The following DSCAML1 variants were observed in gnomAD, a reference collection of about 807,000 sequenced individuals.
The protein encoded by DSCAML1 is cell adhesion molecule DSCAML1.
A neutral mutation model predicts 200.5 loss-of-function variants in DSCAML1; 38 were observed. The observed-to-expected ratio is 0.19, with a 90% CI of 0.15 to 0.25. The LOEUF (loss-of-function observed/expected upper bound fraction) is 0.25. Ranked by LOEUF, DSCAML1 falls within the 10% of genes least tolerant of loss-of-function variation. The pLI, the probability that DSCAML1 is intolerant of heterozygous loss-of-function variation, is 1.00. For missense variants in DSCAML1, 2,223 were observed against 2,858.8 expected, an observed-to-expected ratio of 0.78 and a Z score of 5.07; for synonymous variants, 1,215 against 1,165.0, an observed-to-expected ratio of 1.04 and a Z score of -0.87.
chr11:117,530,097 G>A (rs1355060379), intron 4 of DSCAML1, among the ~76,000 whole-genome samples: 1 of 151,938 alleles, frequency 6.6e-6, no homozygotes, highest in African/African-American at 2.4e-5. Context: ...CTTGTCTGTC[G>A]GTACCGTCCC....
chr11:117,442,071 C>T lies in DSCAML1; in HGVS notation c.3862+1815G>A, dbSNP rs111580076. ...GTTAGTGTATGTGTGTGCGCAGATG[C>T]GTGTTTGTGCACATGCATGTGAGTG... On this transcript the variant is annotated intron_variant, in intron 21 of 32. Coordinates refer to ENST00000651296, the MANE Select transcript of DSCAML1 (RefSeq NM_020693.4). Among the ~76,000 whole-genome samples the T allele has an allele frequency of 3.9e-3, 586 of 150,070 alleles. 7 individuals carry two copies. The highest frequency in any genetic ancestry group is 0.014 in the African/African-American group (566 of 40,842).
chr11:117,584,763 A>C (rs2051110357), intron 3 of DSCAML1, among the ~76,000 whole-genome samples: 3 of 152,164 alleles, frequency 2.0e-5, no homozygotes, highest in African/African-American at 7.2e-5. Context: ...CTACATTTGA[A>C]CAGAGAGGAT....
intron 3 of DSCAML1, among the ~76,000 whole-genome samples, chr11:117,729,775 T>A (rs1280278944): frequency 6.6e-6 from 1 of 152,204 alleles, no homozygotes; most frequent in East Asian, 1.9e-4. Context: ...ATGCCCAGCA[T>A]CCTAATCCCC....
At chr11:117,816,406 G>A (rs1031855154) in intron 1 of DSCAML1, among the ~76,000 whole-genome samples, 3 of 152,224 alleles carry the variant, frequency 2.0e-5, no homozygotes, top group African/African-American at 4.8e-5. Flanking sequence ...TCTGATCTCC[G>A]CTGGCCAGGC....
At chr11:117,627,898 G>A (rs2052088799) in intron 3 of DSCAML1, among the ~76,000 whole-genome samples, 1 of 151,840 alleles carries the variant, frequency 6.6e-6, no homozygotes, top group African/African-American at 2.4e-5. Context: ...CAGATCCCTG[G>A]AGCTCTAATC....
intron 3 of DSCAML1, among the ~76,000 whole-genome samples, chr11:117,622,942 T>C (rs1258378690): frequency 6.6e-6 from 1 of 152,194 alleles, no homozygotes; most frequent in African/African-American, 2.4e-5. Context: ...CACATATAAA[T>C]GCTCTTCTAC....
In DSCAML1 at chr11:117,428,781, C is replaced by T. The variant is rs751771367; in HGVS notation, c.5709G>A (p.Leu1903=). Reference sequence around the variant, plus strand: ...GAAAGAAGGCCTCTGACTTGGCATACAGGGGCAGGTTGCAGTAGTCACCTG... The same window carrying T: ...GAAAGAAGGCCTCTGACTTGGCATATAGGGGCAGGTTGCAGTAGTCACCTG... ...ANKSDYCNLP[L]YAKSEAFFRK... Residue 1903 remains leucine (L), a synonymous_variant, in exon 33 of 33, where the codon CTG becomes CTA. Transcript: ENST00000651296. 1.8e-5 allele frequency: 29 copies of T among 1,606,906 alleles called. No homozygotes were observed. Among genetic ancestry groups the T allele is most frequent in the South Asian group, 8.9e-5 (8 of 89,470 alleles).
At chr11:117,482,822 T>G (rs1052392957) in intron 11 of DSCAML1, among the ~76,000 whole-genome samples, 2 of 152,188 alleles carry the variant, frequency 1.3e-5, no homozygotes, top group African/African-American at 4.8e-5. Context: ...CTGAATCAGA[T>G]CTATAGAGCT....
At chr11:117,557,701 C>T (rs1235991098) in intron 3 of DSCAML1, among the ~76,000 whole-genome samples, 1 of 152,148 alleles carries the variant, frequency 6.6e-6, no homozygotes, top group Non-Finnish European at 1.5e-5. Flanking sequence ...TAAAGTGCCA[C>T]TTGGCTGTGG....
chr11:117,481,828 A>C (rs1318326537), intron 12 of DSCAML1, 135 bp downstream of exon 12: 36 of 885,146 alleles, frequency 4.1e-5, no homozygotes, highest in Non-Finnish European at 5.9e-5. Context: ...TAGGTGGGAA[A>C]GGGGAGGTAC....
chr11:117,450,251 C>T (rs1003660661), intron 20 of DSCAML1, among the ~76,000 whole-genome samples: 3 of 152,210 alleles, frequency 2.0e-5, no homozygotes, highest in Non-Finnish European at 4.4e-5. Flanking sequence ...TGAGCCAGAG[C>T]AGAAGAGCCG....
chr11:117,495,776 T>G (rs2049278574), intron 11 of DSCAML1, among the ~76,000 whole-genome samples: 1 of 152,182 alleles, frequency 6.6e-6, no homozygotes, highest in Admixed American at 6.5e-5. Context: ...CCTGGAGCCC[T>G]AGATTCTCCC....
chr11:117,683,505 A>G lies in DSCAML1; in HGVS notation c.511+93286T>C, dbSNP rs140444762. Among the ~76,000 whole-genome samples, 238 of 152,336 alleles carry G rather than the reference A, an allele frequency of 1.6e-3. 1 individual carries two copies. Among genetic ancestry groups the G allele is most frequent in the African/African-American group, 2.2e-3 (92 of 41,574 alleles). On this transcript the variant is annotated intron_variant, in intron 3 of 32. Coordinates refer to ENST00000651296, the MANE Select transcript of DSCAML1 (RefSeq NM_020693.4). ...GCAAAGCTCAACGACATGCAGCTCC[A>G]TATTCGAGTCTCCTTATAACCCTGT... is the stretch of plus-strand genomic sequence containing the variant.
In DSCAML1 at chr11:117,524,884, G is replaced by A. The variant is rs1565764922; in HGVS notation, c.858C>T (p.Thr286=). Residue 286 remains threonine, a synonymous_variant, in exon 5 of 33, where the codon ACC becomes ACT. Transcript: ENST00000651296. Reference sequence around the variant, plus strand: ...CACAAATGTAGGTGCCGCTGTCCTCGGTCCGCAAGTCGCTGATGGTCAGCC... The same window carrying A: ...CACAAATGTAGGTGCCGCTGTCCTCAGTCCGCAAGTCGCTGATGGTCAGCC... The part of the protein sequence containing the change: ...ITGLTISDLR[T]EDSGTYICEV... The A allele has an allele frequency of 1.2e-6, 2 of 1,611,336 alleles. No individual in the cohort carries two copies. The highest frequency in any genetic ancestry group is 1.3e-5 in the African/African-American group (1 of 74,910).
rs145243839 is a variant in DSCAML1 at position 117,654,810 on chromosome 11, G to A, written c.511+121981C>T. ...TCCCCATCGAGAACCATTTATCTGC[G>A]GCGTGGAGGGCACTGAGCGGGTGGA... On this transcript the variant is annotated intron_variant, in intron 3 of 32. Transcript: ENST00000651296. Among the ~76,000 whole-genome samples, 32 of 152,266 alleles carry A rather than the reference G, an allele frequency of 2.1e-4. 1 individual carries two copies. The highest frequency in any genetic ancestry group is 4.8e-5 in the African/African-American group (2 of 41,542).
intron 14 of DSCAML1, among the ~76,000 whole-genome samples, chr11:117,478,533 T>C (rs922570409): frequency 6.6e-6 from 1 of 152,164 alleles, no homozygotes; most frequent in African/African-American, 2.4e-5. Context: ...CCACTCACAT[T>C]CATTCTTCTA....
chr11:117,509,546 A>G (rs2049576780), intron 8 of DSCAML1, among the ~76,000 whole-genome samples: 1 of 152,166 alleles, frequency 6.6e-6, no homozygotes, highest in African/African-American at 2.4e-5. Context: ...ACTCCAGGCT[A>G]GCCACTCACA....
At chr11:117,428,991 C>G (rs528338382) in intron 32 of DSCAML1, among the ~76,000 whole-genome samples, 188 bp from the exon 33 acceptor site, 1 of 152,302 alleles carries the variant, frequency 6.6e-6, no homozygotes, top group East Asian at 1.9e-4. Flanking sequence ...GTTTCCTTAT[C>G]TGTGAAGTGG....
At chr11:117,435,904 G>C (rs1250453276) in intron 26 of DSCAML1, 105 bp from the exon 27 acceptor site, 1 of 1,305,072 alleles carries the variant, frequency 7.7e-7, no homozygotes, top group East Asian at 2.5e-5. Context: ...CTGCCCTTGG[G>C]CTCTGACCTC....
Sources: gnomAD v4.1 joint callset for allele counts (sites outside exome capture counted in the v4.1 genomes callset) on GRCh38, gnomAD v4.1.1 for gene constraint, MANE v1.5 for transcripts, NCBI Gene and HGNC (gene_info 2026-07-23, HGNC 2026-07-21) for gene names.